The following NOS1AP variants were observed in gnomAD, a reference collection of about 807,000 sequenced individuals.
The protein encoded by NOS1AP is nitric oxide synthase 1 adaptor protein.
Under a neutral mutation model 56.2 loss-of-function variants are expected in NOS1AP, and 21 were observed. That is an observed-to-expected ratio of 0.37 (90% CI 0.26 to 0.54). NOS1AP has a LOEUF of 0.54. NOS1AP is among the 20% of genes least tolerant of loss of function. The pLI, the probability that NOS1AP is intolerant of heterozygous loss-of-function variation, is 0.84. For missense variants in NOS1AP, 522 were observed against 657.8 expected, an observed-to-expected ratio of 0.79 and a Z score of 2.26; for synonymous variants, 270 against 274.6, an observed-to-expected ratio of 0.98 and a Z score of 0.17.
intron 2 of NOS1AP, among the ~76,000 whole-genome samples, chr1:162,257,015 C>T (rs149796935): frequency 5.9e-5 from 9 of 152,096 alleles, no homozygotes; most frequent in African/African-American, 2.2e-4. Context: ...TTTGTTCAGG[C>T]CTTTCCCAAG....
chr1:162,152,746 A>G (rs1263560351), intron 1 of NOS1AP, among the ~76,000 whole-genome samples: 1 of 152,148 alleles, frequency 6.6e-6, no homozygotes, highest in Non-Finnish European at 1.5e-5. Context: ...ACTAGGGGAA[A>G]TCCCTTTGTG....
intron 3 of NOS1AP, among the ~76,000 whole-genome samples, chr1:162,300,089 G>C (rs747949800): frequency 6.6e-6 from 1 of 152,160 alleles, no homozygotes. Flanking sequence ...GGCGGATGAA[G>C]GTAGAGCAGG....
chr1:162,306,572 AACC>A (rs1195538961), intron 4 of NOS1AP, among the ~76,000 whole-genome samples: 1 of 152,122 alleles, frequency 6.6e-6, no homozygotes, highest in African/African-American at 2.4e-5. Context: ...CCCGGTATAA[AACC>A]ACCACATCAG....
chr1:162,129,593 T>C (rs1648656697), intron 1 of NOS1AP, among the ~76,000 whole-genome samples: 1 of 152,236 alleles, frequency 6.6e-6, no homozygotes, highest in South Asian at 2.1e-4. Context: ...TTAGAACCCT[T>C]AATACATTGA....
chr1:162,079,044 C>T lies in NOS1AP; in HGVS notation c.105+8762C>T, dbSNP rs370115950. Among the ~76,000 whole-genome samples the T allele has an allele frequency of 1.2e-4, 19 of 152,300 alleles. No homozygotes were observed. The East Asian group carries it at 3.5e-3, about 28-fold the overall frequency. ...ATCCCTATAAGATGGCCAGGACCCT[C>T]CTGGGTCACCCAATGGTGAGAGGTG... is the stretch of plus-strand genomic sequence containing the variant. On this transcript the variant is annotated intron_variant, in intron 1 of 9. Coordinates refer to ENST00000361897, the MANE Select transcript of NOS1AP (RefSeq NM_014697.3).
chr1:162,334,900 G>A (rs942435893), intron 5 of NOS1AP, among the ~76,000 whole-genome samples: 2 of 152,154 alleles, frequency 1.3e-5, no homozygotes, highest in Non-Finnish European at 2.9e-5. Context: ...TAGAACCAGG[G>A]AGACATGCAG....
At chr1:162,365,593 C>T (rs1658060210) in intron 9 of NOS1AP, 24 bp downstream of exon 9, 1 of 1,605,716 alleles carries the variant, frequency 6.2e-7, no homozygotes, top group East Asian at 2.2e-5. Context: ...CTGCCCAGCC[C>T]TGCTTCCTCT....
At chr1:162,125,273 A>G (rs948290049) in intron 1 of NOS1AP, among the ~76,000 whole-genome samples, 3 of 151,760 alleles carry the variant, frequency 2.0e-5, no homozygotes, top group Non-Finnish European at 2.9e-5. Flanking sequence ...AGCTGGGATT[A>G]CAGGCACCCA....
At chr1:162,216,965 A>G (rs998120573) in intron 2 of NOS1AP, among the ~76,000 whole-genome samples, 2 of 152,204 alleles carry the variant, frequency 1.3e-5, no homozygotes, top group Admixed American at 6.5e-5. Flanking sequence ...ATTTGCAAGT[A>G]TTGTGATTGT....
intron 4 of NOS1AP, among the ~76,000 whole-genome samples, chr1:162,331,760 C>T (rs181772629): frequency 6.6e-6 from 1 of 152,292 alleles, no homozygotes; most frequent in African/African-American, 2.4e-5. Flanking sequence ...TTGGACTGCC[C>T]AAAACTAATT....
chr1:162,349,149 T>C (rs1158944779), intron 6 of NOS1AP, among the ~76,000 whole-genome samples: 2 of 150,852 alleles, frequency 1.3e-5, no homozygotes, highest in Admixed American at 6.6e-5. Context: ...ATCGCACCAT[T>C]ACACTCCAGC....
At chr1:162,220,479 G>A (rs1320463806) in intron 2 of NOS1AP, among the ~76,000 whole-genome samples, 1 of 152,142 alleles carries the variant, frequency 6.6e-6, no homozygotes, top group African/African-American at 2.4e-5. Context: ...CAAACTCATG[G>A]AAGTGCTGTT....
chr1:162,077,541 G>A (rs1691794687), intron 1 of NOS1AP, among the ~76,000 whole-genome samples: 2 of 151,972 alleles, frequency 1.3e-5, no homozygotes, highest in Non-Finnish European at 1.5e-5. Context: ...CCATTCTGTG[G>A]TCTTTTCACT....
At chr1:162,238,728 C>T (rs1220529026) in intron 2 of NOS1AP, among the ~76,000 whole-genome samples, 1 of 151,996 alleles carries the variant, frequency 6.6e-6, no homozygotes, top group African/African-American at 2.4e-5. Context: ...CTTATAGTTG[C>T]TGCGTATATA....
intron 4 of NOS1AP, among the ~76,000 whole-genome samples, chr1:162,308,485 G>C (rs1557872319): frequency 6.6e-6 from 1 of 152,146 alleles, no homozygotes; most frequent in Admixed American, 6.5e-5. Context: ...CTTTAGGAGG[G>C]CTGTAGGGAG....
At chr1:162,127,001 A>G (rs1648517570) in intron 1 of NOS1AP, among the ~76,000 whole-genome samples, 1 of 152,310 alleles carries the variant, frequency 6.6e-6, no homozygotes, top group East Asian at 1.9e-4. Context: ...GTATCCCTGT[A>G]GAGTTTTAAT....
chr1:162,118,386 T>G (rs1349918411), intron 1 of NOS1AP, among the ~76,000 whole-genome samples: 1 of 152,230 alleles, frequency 6.6e-6, no homozygotes, highest in Admixed American at 6.5e-5. Context: ...TTAGTTTGCT[T>G]AGGACAATGG....
intron 4 of NOS1AP, among the ~76,000 whole-genome samples, chr1:162,322,885 A>G (rs1465196649): frequency 6.6e-6 from 1 of 152,254 alleles, no homozygotes; most frequent in East Asian, 1.9e-4. Context: ...ATGACATTCA[A>G]TATTCAAATG....
intron 1 of NOS1AP, among the ~76,000 whole-genome samples, chr1:162,119,694 C>T (rs547095841): frequency 3.3e-5 from 5 of 152,128 alleles, no homozygotes; most frequent in Admixed American, 6.5e-5. Context: ...ATTCTTTATG[C>T]GGCTCTAGCT....
Sources: allele counts gnomAD v4.1 joint callset (sites outside exome capture counted in the v4.1 genomes callset), GRCh38; gene constraint gnomAD v4.1.1; transcripts MANE v1.5; gene names NCBI Gene and HGNC (gene_info 2026-07-23, HGNC 2026-07-21).